Variants in CABLES1 observed in about 807,000 individuals in gnomAD.
CABLES1 encodes the protein CDK5 and ABL1 enzyme substrate 1.
A neutral mutation model predicts 57.8 loss-of-function variants in CABLES1; 36 were observed. The ratio of observed to expected loss-of-function variants is 0.62; its 90% CI spans 0.48 to 0.82. The LOEUF is 0.82. Ranked by LOEUF, CABLES1 falls within the 40% of genes least tolerant of loss-of-function variation. CABLES1 has a pLI of 0.00. For synonymous variants in CABLES1, 374 were observed against 363.0 expected (o/e 1.03, Z -0.35); for missense variants, 767 against 836.6 (o/e 0.92, Z 1.03).
chr18:23,252,552 T>C lies in CABLES1; in HGVS notation c.1447-408T>C, dbSNP rs928646649. On this transcript the variant is annotated intron_variant, in intron 7 of 9. Coordinates refer to ENST00000256925, the MANE Select transcript of CABLES1 (RefSeq NM_001100619.3). ...CATGGGACTTGAGATTTGGGGTGAT[T>C]TGAAGTCTCCCAAAGCCGTCAGACT... Among the ~76,000 whole-genome samples the C allele has an allele frequency of 2.0e-5, 3 of 152,124 alleles. 1 individual carries two copies. Among genetic ancestry groups the C allele is most frequent in the Admixed American group, 2.0e-4 (3 of 15,272 alleles).
chr18:23,180,082 C>T (rs941310007), intron 1 of CABLES1, among the ~76,000 whole-genome samples: 1 of 152,060 alleles, frequency 6.6e-6, no homozygotes, highest in Admixed American at 6.6e-5. Context: ...CCACGCCCGG[C>T]TAATTTTTTT....
At chr18:23,252,819 G>A (rs547919266) in intron 7 of CABLES1, 141 bp from the exon 8 acceptor site, 28 of 574,898 alleles carry the variant, frequency 4.9e-5, no homozygotes, top group Admixed American at 2.3e-4. Context: ...CCTGGATTCC[G>A]CCGAGCCCTT....
chr18:23,205,123 C>G (rs2047353461), intron 3 of CABLES1, among the ~76,000 whole-genome samples: 1 of 151,652 alleles, frequency 6.6e-6, no homozygotes, highest in Admixed American at 6.6e-5. Flanking sequence ...GATGCAGCTA[C>G]CAGGGCTGTT....
chr18:23,234,841 C>T, intron 5 of CABLES1, 137 bp downstream of exon 5: 1 of 691,316 alleles, frequency 1.4e-6, no homozygotes. Context: ...CATGTGATGC[C>T]AGCCTGCCCG....
In CABLES1 at chr18:23,135,943, C is replaced by T; in HGVS notation, c.181C>T (p.Arg61Cys). 1.8e-6 allele frequency: 2 copies of T among 1,123,688 alleles called. No individual in the cohort carries two copies. The highest frequency in any genetic ancestry group is 2.2e-6 in the Non-Finnish European group (2 of 922,400). The allele number at this position is 1,123,688 out of a possible 1,614,324, so 69.6% of individuals were successfully genotyped here. Residue 61 changes from arginine (R) to cysteine (C), a missense_variant, in exon 1 of 10, where the codon CGC (arginine) becomes TGC (cysteine). Physicochemically the swap from Arg to Cys is radical, Grantham distance 180 (BLOSUM62 -3). Transcript: ENST00000256925. The stretch of plus-strand genomic sequence containing the variant: ...CCGGAAGCCGCGCATGGACCCGCGG[C>T]GCCGCCAGGCTGCCCTCTCCTTCCT... The part of the protein sequence containing the change: ...PPRKPRMDPR[R>C]RQAALSFLTN...
intron 3 of CABLES1, among the ~76,000 whole-genome samples, chr18:23,200,453 G>A (rs142885491): frequency 2.0e-3 from 298 of 152,126 alleles, no homozygotes; most frequent in African/African-American, 5.9e-3. Context: ...TAGTAGAGAC[G>A]GGGTTTCACC....
At chr18:23,197,356 A>T (rs573950372) in intron 3 of CABLES1, 1 of 152,332 alleles carries the variant, frequency 6.6e-6, no homozygotes, top group African/African-American at 2.4e-5. Context: ...AGTGGAAGTG[A>T]ACGCCTTCCG....
At chr18:23,235,865 C>T in intron 5 of CABLES1, 30 bp from the exon 6 acceptor site, 1 of 1,609,486 alleles carries the variant, frequency 6.2e-7, no homozygotes, top group South Asian at 1.1e-5. Context: ...TGGGAATAAT[C>T]ACTGGCCTGT....
intron 3 of CABLES1, among the ~76,000 whole-genome samples, chr18:23,210,196 G>A (rs2047395056): frequency 6.6e-6 from 1 of 152,084 alleles, no homozygotes; most frequent in South Asian, 2.1e-4. Context: ...GTGGAAATGT[G>A]ACCTTTAATT....
chr18:23,135,992 G>T lies in CABLES1; in HGVS notation c.230G>T (p.Arg77Leu). 1 of 1,139,672 alleles carries T rather than the reference G, an allele frequency of 8.8e-7. No individual in the cohort carries two copies. The highest frequency in any genetic ancestry group is 1.1e-6 in the Non-Finnish European group (1 of 929,258). 70.6% of individuals were successfully genotyped at this position (1,139,672 alleles called of 1,614,324 possible). The change falls in exon 1 of 10, where the codon CGG becomes CTG. Residue 77 changes from arginine to leucine, a missense_variant. Arg to Leu is a moderately radical substitution (Grantham distance 102). This residue lies in a region of CABLES1 where 198 missense variants were observed against 149.7 expected (regional missense o/e 1.32). Transcript: ENST00000256925. ...CTCACCAACATCTCGCTGGACGGCCGGCTGCCGCCGCAGGACGCGGAGTGG... is the reference window on the plus strand; with the variant it reads ...CTCACCAACATCTCGCTGGACGGCCTGCTGCCGCCGCAGGACGCGGAGTGG... ...SFLTNISLDG[R>L]LPPQDAEWGG...
chr18:23,158,667 G>A (rs1160597331), intron 1 of CABLES1, among the ~76,000 whole-genome samples: 6 of 152,200 alleles, frequency 3.9e-5, no homozygotes, highest in Non-Finnish European at 5.9e-5. Flanking sequence ...ACCTTTGTCA[G>A]AGTCTGTGTC....
chr18:23,168,594 TA>T (rs1413083972), intron 1 of CABLES1, among the ~76,000 whole-genome samples: 1 of 152,212 alleles, frequency 6.6e-6, no homozygotes, highest in African/African-American at 2.4e-5. Flanking sequence ...TGTATACTCT[TA>T]AAATGGTAGA....
chr18:23,226,763 C>A (rs908083439), intron 4 of CABLES1, among the ~76,000 whole-genome samples: 7 of 152,198 alleles, frequency 4.6e-5, no homozygotes, highest in Non-Finnish European at 1.0e-4. Context: ...GTGCTCTTTA[C>A]TTCCTGAGAT....
intron 7 of CABLES1, among the ~76,000 whole-genome samples, chr18:23,241,584 C>T (rs1330495947): frequency 6.6e-6 from 1 of 152,174 alleles, no homozygotes. Context: ...GTTTGTTTAT[C>T]CCTCCTCCTG....
chr18:23,164,129 G>T (rs748582683), intron 1 of CABLES1, among the ~76,000 whole-genome samples: 1 of 152,314 alleles, frequency 6.6e-6, no homozygotes. Flanking sequence ...AAGTATAATT[G>T]TTTCAGAAAC....
In CABLES1 at chr18:23,183,040, C is replaced by T. The variant is rs11876563; in HGVS notation, c.846-5798C>T. On this transcript the variant is annotated intron_variant, in intron 1 of 9. Coordinates refer to ENST00000256925, the MANE Select transcript of CABLES1 (RefSeq NM_001100619.3). The stretch of plus-strand genomic sequence containing the variant: ...TCAGAGTCGCTGCAAATCAGGATGA[C>T]GACAGAGCATTAGTGAGGAGGGCCT... 7.2e-3 allele frequency among the ~76,000 whole-genome samples: 1,099 copies of T among 152,344 alleles called. 19 individuals are homozygous for T. The highest frequency in any genetic ancestry group is 0.026 in the African/African-American group (1,063 of 41,586).
chr18:23,168,193 A>G (rs1395584688), intron 1 of CABLES1, among the ~76,000 whole-genome samples: 2 of 152,260 alleles, frequency 1.3e-5, no homozygotes, highest in Non-Finnish European at 2.9e-5. Flanking sequence ...CACAATAGCC[A>G]AAAGGTGGGA....
intron 1 of CABLES1, among the ~76,000 whole-genome samples, chr18:23,140,063 G>A (rs1002110864): frequency 2.0e-5 from 3 of 152,156 alleles, no homozygotes; most frequent in African/African-American, 4.8e-5. Flanking sequence ...CCTCACAGAC[G>A]GGACTCCAGC....
chr18:23,246,612 C>G (rs12970691), intron 7 of CABLES1, among the ~76,000 whole-genome samples: 3 of 151,338 alleles, frequency 2.0e-5, no homozygotes, highest in African/African-American at 2.4e-5. Context: ...AGGATGGTCT[C>G]GATCTCCTGA....
Sources: gnomAD v4.1 joint callset for allele counts (sites outside exome capture counted in the v4.1 genomes callset) on GRCh38, gnomAD v4.1.1 for gene constraint, gnomAD v4.1.1 regional missense constraint, MANE v1.5 for transcripts, NCBI Gene and HGNC (gene_info 2026-07-23, HGNC 2026-07-21) for gene names.